ERI2: variants seen among roughly 807,000 people sequenced by gnomAD.
The protein encoded by ERI2 is ERI1 exoribonuclease family member 2.
ERI2 carries 35 observed loss-of-function variants against 46.8 expected under a neutral mutation model. That is an observed-to-expected ratio of 0.75 (90% CI 0.57 to 0.99). The LOEUF is 0.99. Among genes scored for constraint, ERI2 ranks in the 50% least tolerant of loss-of-function variants. The probability of loss-of-function intolerance (pLI) is 0.00; values close to 1 mark genes in which losing one functional copy is unlikely to be tolerated. For missense variants in ERI2, 695 were observed against 796.2 expected, an observed-to-expected ratio of 0.87 and a Z score of 1.53; for synonymous variants, 224 against 271.0, an observed-to-expected ratio of 0.83 and a Z score of 1.70.
At chr16:20,799,140 T>C (rs1039536198) in intron 8 of ERI2, 73 bp from the exon 9 acceptor site, 6 of 1,492,096 alleles carry the variant, frequency 4.0e-6, no homozygotes, top group Non-Finnish European at 5.3e-6. Flanking sequence ...TACAGTTTTA[T>C]GACAAAAAAG....
chr16:20,786,061 T>C (rs1262220532), intron 10 of ERI2: 1 of 1,486,802 alleles, frequency 6.7e-7, no homozygotes, highest in Non-Finnish European at 9.1e-7. Flanking sequence ...ATCTTACTTT[T>C]TCTTCTTCTT....
At chr16:20,793,339 C>G (rs1202255731), downstream of ERI2, among the ~76,000 whole-genome samples, 1 of 152,094 alleles carries the variant, frequency 6.6e-6, no homozygotes, top group African/African-American at 2.4e-5. Context: ...CATGGTGGCA[C>G]ACGCCTGTAA....
chr16:20,792,289 T>C (rs896129807), downstream of ERI2: 23 of 1,614,026 alleles, frequency 1.4e-5, no homozygotes, highest in Non-Finnish European at 1.9e-5. Context: ...CACCCTTCAG[T>C]TGCAGAGTCA....
In ERI2 at chr16:20,806,470, G is replaced by A. The variant is rs1479892130; in HGVS notation, c.-40C>T. On this transcript the variant is annotated 5_prime_UTR_variant, in exon 1 of 9. Transcript: ENST00000357967. The stretch of plus-strand genomic sequence containing the variant: ...GCTTTTCCAAGTCCAGCTGCCGGAA[G>A]TCGCTCGACTTCTACTTCCGGTCCG... 6.4e-7 allele frequency: 1 copy of A among 1,550,548 alleles called. No individual in the cohort carries two copies. The highest frequency in any genetic ancestry group is 1.4e-5 in the African/African-American group (1 of 73,220).
At chr16:20,786,067 T>C (rs1430082153) in intron 10 of ERI2, 10 of 1,516,582 alleles carry the variant, frequency 6.6e-6, no homozygotes, top group Admixed American at 2.1e-5. Context: ...CTTTTTCTTC[T>C]TCTTAACTAG....
At chr16:20,805,416 T>C (rs1054857569) in intron 1 of ERI2, among the ~76,000 whole-genome samples, 1 of 111,106 alleles carries the variant, frequency 9.0e-6, no homozygotes, top group Non-Finnish European at 2.3e-5. Flanking sequence ...CAAAACTCCG[T>C]CTCAAAAAAA....
At position 20,802,804 on chromosome 16, in the gene ERI2, T is replaced by A; in HGVS notation, c.295A>T (p.Ile99Leu). 1 of 1,607,380 alleles carries A rather than the reference T, an allele frequency of 6.2e-7. No individual in the cohort carries two copies. The highest frequency in any genetic ancestry group is 1.7e-4 in the Middle Eastern group (1 of 6,028). Residue 99 changes from isoleucine to leucine, a missense_variant, in exon 4 of 9, where the codon ATA becomes TTA. Physicochemically the swap from Ile to Leu is conservative, Grantham distance 5. Coordinates refer to ENST00000357967, the MANE Select transcript of ERI2 (RefSeq NM_001142725.2). ...LSEFCMELTG[I>L]KQAQVDEGVP... ...TAAGATTTGCATCATACCTGCTTTA[T>A]GCCTGTCAATTCCATGCAAAATTCT...
chr16:20,792,303 G>T, downstream of ERI2: 4 of 1,614,114 alleles, frequency 2.5e-6, no homozygotes, highest in Non-Finnish European at 3.4e-6. Context: ...AGAGTCAGCT[G>T]TTGTCAGCAG....
Position 20,797,311 on chromosome 16 carries a change from G to A in ERI2, c.*413C>T. The A allele has an allele frequency of 9.8e-7, 1 of 1,024,176 alleles. No homozygotes were observed. Among genetic ancestry groups the A allele is most frequent in the Admixed American group, 5.8e-5 (1 of 17,354 alleles). The allele number at this position is 1,024,176 out of a possible 1,614,324, so 63.4% of individuals were successfully genotyped here. On this transcript the variant is annotated 3_prime_UTR_variant, in exon 9 of 9. Transcript: ENST00000357967. ...AGTTGACTAATTCTTCTGATATGTT[G>A]ATATACAAATCAGAACCAATGTTCA...
chr16:20,788,014 G>C (rs1350708705), intron 10 of ERI2, among the ~76,000 whole-genome samples: 4 of 152,192 alleles, frequency 2.6e-5, no homozygotes, highest in Admixed American at 2.6e-4. Context: ...TATGTTTAAA[G>C]AGCATATCAG....
chr16:20,796,315 C>T, downstream of ERI2: 2 of 1,589,536 alleles, frequency 1.3e-6, no homozygotes, highest in Non-Finnish European at 1.7e-6. Context: ...ACAAGACATA[C>T]TAAAACATAC....
rs900996975 is a variant in ERI2, at chr16:20,790,929, G to A, written c.736C>T (p.Pro246Ser). 3 of 1,613,784 alleles carry A rather than the reference G, an allele frequency of 1.9e-6. No individual in the cohort carries two copies. The Admixed American group carries it at 5.0e-5, about 27-fold the overall frequency. Reference sequence around the variant, plus strand: ...CAGGTCCACGAAGGCAAGAGGAAGGGACCCTAGAAAGAGGACAGCCTCTTA... The same window carrying A: ...CAGGTCCACGAAGGCAAGAGGAAGGAACCCTAGAAAGAGGACAGCCTCTTA... Residue 246 changes from proline (P) to serine (S), a missense_variant, in exon 9 of 11, where the codon CCC becomes TCC. Transcript: ENST00000300005. The surrounding 1 kb of genome is among the most constrained non-coding windows in gnomAD (Gnocchi z 4.0).
At chr16:20,786,028 A>T in intron 10 of ERI2, 1 of 1,312,682 alleles carries the variant, frequency 7.6e-7, no homozygotes, top group East Asian at 2.5e-5. Context: ...TAGATGAATA[A>T]ATTTTAAGTG....
At chr16:20,784,118 T>C (rs2080416545) in intron 10 of ERI2, among the ~76,000 whole-genome samples, 1 of 152,178 alleles carries the variant, frequency 6.6e-6, no homozygotes, top group South Asian at 2.1e-4. Flanking sequence ...TCCTTCTCTA[T>C]TATAAACATA....
At chr16:20,803,719 CCT>C in intron 1 of ERI2, 49 bp from the exon 2 acceptor site, 1 of 1,587,650 alleles carries the variant, frequency 6.3e-7, no homozygotes, top group Non-Finnish European at 8.6e-7. Flanking sequence ...CATTCACACT[CCT>C]GTTTGAGTAG....
rs1291143140 is a variant in ERI2, at chr16:20,790,779, G to C, written c.815+71C>G. 1.9e-6 allele frequency: 3 copies of C among 1,613,102 alleles called. No homozygotes were observed. In the African/African-American group the frequency reaches 4.0e-5, roughly 22 times the overall value. On this transcript the variant is annotated intron_variant, in intron 9 of 10. Coordinates refer to the ERI2 transcript ENST00000300005. This position sits in a 1 kb window ranked among gnomAD's most constrained non-coding sequence, Gnocchi z 4.0. Reference sequence around the variant, plus strand: ...TTGCCACAAAACATACCTAGGATAGGTACTTGACCCTTTCTTGAGAGATTG... The same window carrying C: ...TTGCCACAAAACATACCTAGGATAGCTACTTGACCCTTTCTTGAGAGATTG...
chr16:20,781,233 T>TGATTTAA, intron 10 of ERI2: 1 of 1,371,530 alleles, frequency 7.3e-7, no homozygotes, highest in Non-Finnish European at 9.9e-7. Flanking sequence ...GTAGACAATA[T>TGATTTAA]GATTTAAGAT....
chr16:20,803,020 A>C, intron 3 of ERI2, 97 bp from the exon 4 acceptor site: 4 of 1,300,982 alleles, frequency 3.1e-6, no homozygotes, highest in Middle Eastern at 2.9e-4. Flanking sequence ...TTAATTAAAC[A>C]ACCAGTTTTC....
downstream of ERI2, among the ~76,000 whole-genome samples, chr16:20,792,889 T>G (rs1347915081): frequency 6.6e-6 from 1 of 152,172 alleles, no homozygotes. Context: ...TATTTTGGCT[T>G]AAAAGTACCA....
Sources: allele counts gnomAD v4.1 joint callset (sites outside exome capture counted in the v4.1 genomes callset), GRCh38; gene constraint gnomAD v4.1.1; non-coding constraint Gnocchi (gnomAD v3.1); transcripts MANE v1.5; gene names NCBI Gene and HGNC (gene_info 2026-07-23, HGNC 2026-07-21).